RBFOX1: variants seen among roughly 807,000 people sequenced by gnomAD.
RBFOX1 encodes RNA binding fox-1 homolog 1.
RBFOX1 carries 8 observed loss-of-function variants against 57.7 expected under a neutral mutation model. The observed-to-expected ratio is 0.14, with a 90% CI of 0.08 to 0.25. The LOEUF is 0.25. RBFOX1 is among the 10% of genes least tolerant of loss of function. RBFOX1 has a pLI of 1.00. For missense variants in RBFOX1, 611 were observed against 548.5 expected (o/e 1.11, Z -1.14); for synonymous variants, 326 against 222.4 (o/e 1.47, Z -4.15).
intron 3 of RBFOX1, among the ~76,000 whole-genome samples, chr16:6,734,889 G>C (rs1298663827): frequency 6.6e-6 from 1 of 152,132 alleles, no homozygotes; most frequent in East Asian, 1.9e-4. Flanking sequence ...CCTAGTAAAG[G>C]TTATCAGAAT....
intron 1 of RBFOX1, among the ~76,000 whole-genome samples, chr16:5,300,643 T>A (rs2063781195): frequency 6.6e-6 from 1 of 152,194 alleles, no homozygotes; most frequent in Non-Finnish European, 1.5e-5. Flanking sequence ...TCGGCTTTTG[T>A]TTGTGGTAAA....
chr16:5,377,626 G>C (rs757861123), intron 1 of RBFOX1, among the ~76,000 whole-genome samples: 1 of 150,968 alleles, frequency 6.6e-6, no homozygotes, highest in Non-Finnish European at 1.5e-5. Context: ...CAGAGAGAGA[G>C]AGAACGAGAA....
At chr16:7,500,650 C>A (rs1430462985) in intron 4 of RBFOX1, among the ~76,000 whole-genome samples, 1 of 152,170 alleles carries the variant, frequency 6.6e-6, no homozygotes, top group Non-Finnish European at 1.5e-5. Flanking sequence ...ACTGAGTTAC[C>A]TGGCTCTCAG....
At position 6,600,285 on chromosome 16, in the gene RBFOX1, G is replaced by T. The variant is rs951422556; in HGVS notation, c.-63-54318G>T. 9.9e-5 allele frequency among the ~76,000 whole-genome samples: 15 copies of T among 152,070 alleles called. 1 individual carries two copies. In the South Asian group the frequency reaches 1.9e-3, roughly 19 times the overall value. On this transcript the variant is annotated intron_variant, in intron 2 of 15. Transcript: ENST00000550418. ...TTTTGTTCTCAGTCCTCCCCTACCT[G>T]GTTCTCTCTCCTCCCCCATTTCCCT...
At chr16:6,450,806 T>C (rs59602686) in intron 2 of RBFOX1, among the ~76,000 whole-genome samples, 2,448 of 17,100 alleles carry the variant, frequency 0.14, 330 homozygotes, top group East Asian at 0.52. Flanking sequence ...TATATGTATA[T>C]ATATATATAT....
chr16:7,657,648 C>A (rs1329961461), intron 12 of RBFOX1, among the ~76,000 whole-genome samples: 1 of 152,200 alleles, frequency 6.6e-6, no homozygotes, highest in Admixed American at 6.5e-5. Flanking sequence ...CCTTCCATGT[C>A]TTGATATTTT....
At position 5,453,213 on chromosome 16, in the gene RBFOX1, G is replaced by T. The variant is rs9921498; in HGVS notation, c.220-14003G>T. Among the ~76,000 whole-genome samples the T allele has an allele frequency of 6.0e-3, 906 of 152,166 alleles. 8 individuals are homozygous for T. Among genetic ancestry groups the T allele is most frequent in the African/African-American group, 0.021 (874 of 41,506 alleles). ...CACTAGACTAAGAGCTGAGTTTATAGTGAGGAAACAGACATGGTCCTTGAC... is the reference window on the plus strand; with the variant it reads ...CACTAGACTAAGAGCTGAGTTTATATTGAGGAAACAGACATGGTCCTTGAC... On this transcript the variant is annotated intron_variant, in intron 1 of 2. Coordinates refer to the RBFOX1 transcript ENST00000585867.
intron 3 of RBFOX1, among the ~76,000 whole-genome samples, chr16:6,745,257 C>G (rs1461072975): frequency 6.6e-6 from 1 of 151,966 alleles, no homozygotes; most frequent in African/African-American, 2.4e-5. Context: ...ACATTTCTTT[C>G]AGAAAATGGA....
intron 2 of RBFOX1, among the ~76,000 whole-genome samples, chr16:6,489,187 A>G (rs1162386771): frequency 2.6e-5 from 4 of 152,316 alleles, no homozygotes; most frequent in Admixed American, 2.0e-4. Context: ...TCTTGTCACT[A>G]GAAGAGAAAT....
chr16:7,113,294 A>G (rs722314), intron 4 of RBFOX1, among the ~76,000 whole-genome samples: 81,331 of 152,016 alleles, frequency 0.54, 22,226 homozygotes, highest in South Asian at 0.7. Flanking sequence ...GTAATGCTCT[A>G]TAGTTTTTTA....
intron 2 of RBFOX1, among the ~76,000 whole-genome samples, chr16:6,521,424 T>G (rs912100722): frequency 2.0e-5 from 3 of 150,298 alleles, no homozygotes; most frequent in African/African-American, 7.3e-5. Flanking sequence ...TTTTTTCTCT[T>G]CCTTCCCTTC....
intron 4 of RBFOX1, among the ~76,000 whole-genome samples, chr16:7,390,828 C>T (rs2097996568): frequency 6.6e-6 from 1 of 151,882 alleles, no homozygotes; most frequent in African/African-American, 2.4e-5. Context: ...GGACAGATTC[C>T]AACAATCGAG....
intron 1 of RBFOX1, among the ~76,000 whole-genome samples, chr16:6,129,721 TA>T (rs1466291572): frequency 2.3e-5 from 3 of 128,152 alleles, no homozygotes; most frequent in East Asian, 2.3e-4. Flanking sequence ...AAAAAAGAAC[TA>T]AACTCAGACA....
intron 3 of RBFOX1, among the ~76,000 whole-genome samples, chr16:6,888,590 T>G (rs1232614491): frequency 6.6e-6 from 1 of 152,302 alleles, no homozygotes; most frequent in African/African-American, 2.4e-5. Flanking sequence ...TCCGTAGGGT[T>G]AGAAGTGCAT....
At chr16:5,905,395 C>T (rs1009541295) in intron 4 of RBFOX1, among the ~76,000 whole-genome samples, 2 of 151,964 alleles carry the variant, frequency 1.3e-5, no homozygotes, top group African/African-American at 4.8e-5. Context: ...GACACAGACA[C>T]ATATAGAGGG....
At chr16:7,333,034 T>A in intron 4 of RBFOX1, 7 of 1,613,860 alleles carry the variant, frequency 4.3e-6, no homozygotes, top group Non-Finnish European at 5.9e-6. Flanking sequence ...TCCTGCATCC[T>A]TATGGCGTGC....
intron 1 of RBFOX1, among the ~76,000 whole-genome samples, chr16:6,246,584 T>C (rs2097570283): frequency 6.6e-6 from 1 of 151,986 alleles, no homozygotes; most frequent in Non-Finnish European, 1.5e-5. Context: ...GAAAAGTAAT[T>C]GGCCAAAAGG....
chr16:7,445,309 C>G (rs976660687), intron 4 of RBFOX1, among the ~76,000 whole-genome samples: 3 of 152,144 alleles, frequency 2.0e-5, no homozygotes, highest in South Asian at 2.1e-4. Context: ...CCTCTGTAAT[C>G]TTAGCTTCTG....
At chr16:7,179,763 CT>C in intron 4 of RBFOX1, among the ~76,000 whole-genome samples, 1 of 152,104 alleles carries the variant, frequency 6.6e-6, no homozygotes, top group South Asian at 2.1e-4. Flanking sequence ...GAGATGGAGT[CT>C]TGCTCTGTCA....
Sources: allele counts gnomAD v4.1 joint callset (sites outside exome capture counted in the v4.1 genomes callset), GRCh38; gene constraint gnomAD v4.1.1; transcripts MANE v1.5; gene names NCBI Gene and HGNC (gene_info 2026-07-23, HGNC 2026-07-21).